The following NKAIN2 variants were observed in gnomAD, a reference collection of about 807,000 sequenced individuals.
NKAIN2 encodes sodium/potassium transporting ATPase interacting 2.
A neutral mutation model predicts 32.6 loss-of-function variants in NKAIN2; 14 were observed. The ratio of observed to expected loss-of-function variants is 0.43; its 90% CI spans 0.28 to 0.67. The LOEUF (loss-of-function observed/expected upper bound fraction) is 0.67. Among genes scored for constraint, NKAIN2 ranks in the 30% least tolerant of loss-of-function variants. The pLI is 0.17. For missense variants in NKAIN2, 198 were observed against 258.3 expected (o/e 0.77, Z 1.60); for synonymous variants, 80 against 87.2 (o/e 0.92, Z 0.46).
chr6:124,174,546 G>C (rs1470431300), intron 1 of NKAIN2, among the ~76,000 whole-genome samples: 1 of 152,142 alleles, frequency 6.6e-6, no homozygotes, highest in Admixed American at 6.5e-5. Flanking sequence ...CTGTTCTACA[G>C]AGTTGTTCTG....
At chr6:124,772,328 T>C (rs938342238) in intron 4 of NKAIN2, among the ~76,000 whole-genome samples, 2 of 152,118 alleles carry the variant, frequency 1.3e-5, no homozygotes, top group African/African-American at 4.8e-5. Flanking sequence ...AATGGAATAG[T>C]CAATGGTGCC....
At chr6:123,957,549 T>C (rs1322948283) in intron 1 of NKAIN2, among the ~76,000 whole-genome samples, 1 of 152,196 alleles carries the variant, frequency 6.6e-6, no homozygotes, top group Non-Finnish European at 1.5e-5. Context: ...AAAAAGTCTT[T>C]ACTTGTAAGA....
chr6:124,003,690 G>T (rs547355465), intron 1 of NKAIN2, among the ~76,000 whole-genome samples: 1 of 152,276 alleles, frequency 6.6e-6, no homozygotes, highest in South Asian at 2.1e-4. Flanking sequence ...GGTTTTGGGG[G>T]AACAGAGTTG....
At chr6:124,348,591 C>A (rs972696075) in intron 2 of NKAIN2, among the ~76,000 whole-genome samples, 11 of 152,326 alleles carry the variant, frequency 7.2e-5, no homozygotes, top group African/African-American at 2.6e-4. Flanking sequence ...TCTCAGACTG[C>A]TGTGCTAGCA....
chr6:124,753,659 A>T (rs1047897764), intron 4 of NKAIN2, among the ~76,000 whole-genome samples: 1 of 152,108 alleles, frequency 6.6e-6, no homozygotes, highest in Admixed American at 6.6e-5. Context: ...TTGCTCCTGA[A>T]TTCAGAATAA....
intron 4 of NKAIN2, among the ~76,000 whole-genome samples, chr6:124,768,369 CCT>C (rs1282209313): frequency 6.6e-6 from 1 of 152,106 alleles, no homozygotes; most frequent in East Asian, 1.9e-4. Context: ...ATGAATTTTT[CCT>C]CTGAGAGTGC....
At chr6:124,473,718 C>T (rs1248828660) in intron 3 of NKAIN2, among the ~76,000 whole-genome samples, 1 of 152,162 alleles carries the variant, frequency 6.6e-6, no homozygotes, top group Non-Finnish European at 1.5e-5. Flanking sequence ...AAGAGACTCT[C>T]TGTAGACTTC....
chr6:124,345,305 G>A (rs938361386), intron 2 of NKAIN2, among the ~76,000 whole-genome samples: 2 of 152,000 alleles, frequency 1.3e-5, no homozygotes, highest in African/African-American at 4.8e-5. Flanking sequence ...TTTTTTGGTT[G>A]TGTCTCTGCC....
chr6:124,216,938 A>G (rs1028535232), intron 1 of NKAIN2, among the ~76,000 whole-genome samples: 5 of 152,188 alleles, frequency 3.3e-5, no homozygotes, highest in African/African-American at 1.2e-4. Context: ...TGTGTAGAAC[A>G]TAACTATTAT....
At chr6:123,891,702 A>G (rs1463933804) in intron 1 of NKAIN2, among the ~76,000 whole-genome samples, 1 of 152,196 alleles carries the variant, frequency 6.6e-6, no homozygotes, top group African/African-American at 2.4e-5. Flanking sequence ...CAGAGGGCAA[A>G]ATGATCTACG....
At position 124,750,738 on chromosome 6, in the gene NKAIN2, A is replaced by G. The variant is rs181131804; in HGVS notation, c.475-40601A>G. Among the ~76,000 whole-genome samples the G allele has an allele frequency of 6.7e-3, 1,024 of 152,076 alleles. 10 individuals carry two copies. The highest frequency in any genetic ancestry group is 0.023 in the African/African-American group (937 of 41,514). On this transcript the variant is annotated intron_variant, in intron 4 of 6. Coordinates refer to ENST00000368417, the MANE Select transcript of NKAIN2 (RefSeq NM_001040214.3). ...CCTATAGTTATGTTAAATTCCTAAAAGGTTGTGTCTTTCATTTCTTTGCTA... is the reference window on the plus strand; with the variant it reads ...CCTATAGTTATGTTAAATTCCTAAAGGGTTGTGTCTTTCATTTCTTTGCTA...
At chr6:124,374,588 G>A (rs1799903229) in intron 3 of NKAIN2, among the ~76,000 whole-genome samples, 1 of 152,052 alleles carries the variant, frequency 6.6e-6, no homozygotes, top group Non-Finnish European at 1.5e-5. Flanking sequence ...AGCTTATTTA[G>A]CATCAATTTT....
chr6:124,569,396 G>A (rs978032338), intron 3 of NKAIN2, among the ~76,000 whole-genome samples: 17 of 151,840 alleles, frequency 1.1e-4, no homozygotes, highest in Non-Finnish European at 1.2e-4. Context: ...CTTATAATGT[G>A]TTCTACTTGC....
At chr6:123,828,547 A>T (rs1241285860) in intron 1 of NKAIN2, among the ~76,000 whole-genome samples, 1 of 152,126 alleles carries the variant, frequency 6.6e-6, no homozygotes, top group African/African-American at 2.4e-5. Context: ...TACAGTTCTG[A>T]TGTTATTCTA....
intron 4 of NKAIN2, among the ~76,000 whole-genome samples, chr6:124,762,014 A>AGAAGTAAC (rs1778291210): frequency 6.6e-6 from 1 of 152,070 alleles, no homozygotes; most frequent in Admixed American, 6.6e-5. Context: ...TTCTGTTGTT[A>AGAAGTAAC]TATTTAGAAG....
chr6:124,195,020 G>A (rs1449114181), intron 1 of NKAIN2, among the ~76,000 whole-genome samples: 7 of 149,096 alleles, frequency 4.7e-5, no homozygotes, highest in Non-Finnish European at 7.4e-5. Flanking sequence ...TAGTTTTAAA[G>A]TATAAAGAAT....
intron 4 of NKAIN2, among the ~76,000 whole-genome samples, chr6:124,706,325 G>A (rs1775061188): frequency 6.6e-6 from 1 of 151,998 alleles, no homozygotes; most frequent in Non-Finnish European, 1.5e-5. Flanking sequence ...CAGGTCCTTA[G>A]CCAAGATTAC....
At chr6:124,053,490 A>G (rs1782504001) in intron 1 of NKAIN2, among the ~76,000 whole-genome samples, 1 of 152,062 alleles carries the variant, frequency 6.6e-6, no homozygotes, top group African/African-American at 2.4e-5. Context: ...AGGCATAGGT[A>G]GAATCACTAC....
chr6:124,344,046 A>G (rs899249539), intron 2 of NKAIN2, among the ~76,000 whole-genome samples: 7 of 152,162 alleles, frequency 4.6e-5, no homozygotes, highest in Admixed American at 2.6e-4. Flanking sequence ...AGCTTTCTCC[A>G]TATGGCTAGC....
Sources: allele counts gnomAD v4.1 joint callset (sites outside exome capture counted in the v4.1 genomes callset), GRCh38; gene constraint gnomAD v4.1.1; transcripts MANE v1.5; gene names NCBI Gene and HGNC (gene_info 2026-07-23, HGNC 2026-07-21).